The following ASRGL1 variants were observed in gnomAD, a reference collection of about 807,000 sequenced individuals.
ASRGL1 encodes asparaginase and isoaspartyl peptidase 1, also known as isoaspartyl peptidase/L-asparaginase.
ASRGL1 carries 16 observed loss-of-function variants against 22.4 expected under a neutral mutation model. That is an observed-to-expected ratio of 0.71 (90% CI 0.48 to 1.08). The LOEUF (loss-of-function observed/expected upper bound fraction) is 1.08. Among genes scored for constraint, ASRGL1 ranks in the 50% least tolerant of loss-of-function variants. ASRGL1 has a pLI of 0.00. For missense variants in ASRGL1, 412 were observed against 410.1 expected (o/e 1.00, Z -0.04); for synonymous variants, 165 against 159.3 (o/e 1.04, Z -0.27).
chr11:62,343,683 G>A (rs1590703244), intron 2 of ASRGL1, among the ~76,000 whole-genome samples: 1 of 143,818 alleles, frequency 7.0e-6, no homozygotes, highest in Admixed American at 7.4e-5. Context: ...AGCCAAGATG[G>A]CGCCACTGCA....
intron 4 of ASRGL1, among the ~76,000 whole-genome samples, chr11:62,383,922 A>AAAG (rs1398564209): frequency 6.6e-6 from 1 of 151,490 alleles, no homozygotes; most frequent in Non-Finnish European, 1.5e-5. Context: ...TCAAAAAAAA[A>AAAG]AAAAAAATCA....
chr11:62,398,986 T>A, the ASRGL1 span, among the ~76,000 whole-genome samples: 2 of 152,144 alleles, frequency 1.3e-5, no homozygotes, highest in African/African-American at 4.8e-5. Context: ...CTGGCCAACA[T>A]GGTGAAACCC....
At chr11:62,375,445 T>C (rs1280770065) in intron 4 of ASRGL1, among the ~76,000 whole-genome samples, 7 of 57,856 alleles carry the variant, frequency 1.2e-4, no homozygotes, top group African/African-American at 8.4e-4. Flanking sequence ...TATATATATA[T>C]ATATATATAT....
At chr11:62,362,502 A>T (rs1946462242) in intron 4 of ASRGL1, among the ~76,000 whole-genome samples, 2 of 60,412 alleles carry the variant, frequency 3.3e-5, no homozygotes, top group Non-Finnish European at 6.0e-5. Flanking sequence ...TATTATATAA[A>T]ATATATAACA....
the ASRGL1 span, among the ~76,000 whole-genome samples, chr11:62,400,234 C>T: frequency 6.6e-6 from 1 of 152,210 alleles, no homozygotes; most frequent in Non-Finnish European, 1.5e-5. Context: ...TGCCTTTCCT[C>T]CCTCAAAGGT....
At chr11:62,355,419 G>T (rs544828458) in intron 2 of ASRGL1, among the ~76,000 whole-genome samples, 23 of 151,290 alleles carry the variant, frequency 1.5e-4, no homozygotes, top group African/African-American at 4.9e-4. Flanking sequence ...TAGAGACGGG[G>T]TTTCACATGT....
At chr11:62,399,565 G>A in the ASRGL1 span, among the ~76,000 whole-genome samples, 130 of 152,298 alleles carry the variant, frequency 8.5e-4, no homozygotes, top group African/African-American at 2.9e-3. Context: ...CCATGGCTAC[G>A]GCCCTCCTGC....
chr11:62,385,890 G>A (rs376643780), intron 4 of ASRGL1, among the ~76,000 whole-genome samples: 5 of 151,708 alleles, frequency 3.3e-5, no homozygotes, highest in Non-Finnish European at 7.4e-5. Flanking sequence ...TAGGCCGGGT[G>A]CAGTGGCTTA....
Position 62,337,968 on chromosome 11 carries a change from A to T in ASRGL1, c.-10A>T, listed in dbSNP as rs1945764922. The T allele has an allele frequency of 6.3e-7, 1 of 1,586,408 alleles. No individual in the cohort carries two copies. Reference sequence around the variant, plus strand: ...CGCTTTCGCCTTCCTGCTGCCTAGGATCCGCCGACATGAATCCCATCGTAG... The same window carrying T: ...CGCTTTCGCCTTCCTGCTGCCTAGGTTCCGCCGACATGAATCCCATCGTAG... On this transcript the variant is annotated 5_prime_UTR_variant, in exon 2 of 7. Transcript: ENST00000415229.
rs1172171683 is a variant in ASRGL1, at chr11:62,337,908, T to C, written c.-70T>C. The C allele has an allele frequency of 4.0e-6, 6 of 1,508,796 alleles. No individual in the cohort carries two copies. In the African/African-American group the frequency reaches 6.9e-5, roughly 17 times the overall value. 93.5% of individuals were successfully genotyped at this position (1,508,796 alleles called of 1,614,324 possible). A position where few individuals can be genotyped will look rare whatever the true frequency, so the allele number is the denominator to read the frequency against. ...CCCACAGGGTCTCCCGAGGACCTTGTACCCGCGCGGCTTCCTTGGGCTGGC... is the reference window on the plus strand; with the variant it reads ...CCCACAGGGTCTCCCGAGGACCTTGCACCCGCGCGGCTTCCTTGGGCTGGC... On this transcript the variant is annotated 5_prime_UTR_variant, in exon 2 of 7. Transcript: ENST00000415229.
chr11:62,369,939 T>G (rs1305609711), intron 4 of ASRGL1, among the ~76,000 whole-genome samples: 1 of 152,188 alleles, frequency 6.6e-6, no homozygotes, highest in Non-Finnish European at 1.5e-5. Flanking sequence ...GATTTGCCAA[T>G]TTTTTATCAA....
downstream of ASRGL1, among the ~76,000 whole-genome samples, chr11:62,395,025 G>T (rs1947414890): frequency 6.6e-6 from 1 of 152,154 alleles, no homozygotes; most frequent in African/African-American, 2.4e-5. Flanking sequence ...ACTATCCATG[G>T]CTTCAGCCGC....
intron 2 of ASRGL1, among the ~76,000 whole-genome samples, chr11:62,346,014 G>C (rs1946010790): frequency 6.6e-6 from 1 of 152,194 alleles, no homozygotes; most frequent in African/African-American, 2.4e-5. Context: ...GGATACAGAT[G>C]AAGAGTTGCA....
At chr11:62,351,666 C>T (rs996435899) in intron 2 of ASRGL1, among the ~76,000 whole-genome samples, 3 of 147,798 alleles carry the variant, frequency 2.0e-5, no homozygotes, top group Admixed American at 6.8e-5. Context: ...AAAAAAAAAT[C>T]GTTTTTTTTG....
intron 4 of ASRGL1, among the ~76,000 whole-genome samples, chr11:62,381,577 C>A (rs1026462667): frequency 6.6e-6 from 1 of 152,108 alleles, no homozygotes; most frequent in African/African-American, 2.4e-5. Flanking sequence ...GATGATTTTA[C>A]CCTTCCTACT....
intron 4 of ASRGL1, among the ~76,000 whole-genome samples, chr11:62,369,693 G>C (rs1425771989): frequency 6.6e-6 from 1 of 152,044 alleles, no homozygotes; most frequent in Non-Finnish European, 1.5e-5. Flanking sequence ...AATTTAAATG[G>C]GCTTTTGATG....
intron 4 of ASRGL1, among the ~76,000 whole-genome samples, chr11:62,368,908 A>T (rs1946686428): frequency 6.6e-6 from 1 of 152,206 alleles, no homozygotes; most frequent in South Asian, 2.1e-4. Context: ...TAAATAGAAC[A>T]TACAATCGGG....
intron 2 of ASRGL1, among the ~76,000 whole-genome samples, chr11:62,349,114 A>G (rs1274980174): frequency 6.6e-6 from 1 of 151,994 alleles, no homozygotes; most frequent in Non-Finnish European, 1.5e-5. Flanking sequence ...GATTACAGGC[A>G]TGCACCACCA....
chr11:62,349,687 C>T (rs541547012), intron 2 of ASRGL1, among the ~76,000 whole-genome samples: 16 of 152,180 alleles, frequency 1.1e-4, no homozygotes, highest in Non-Finnish European at 2.1e-4. Context: ...TTGGATCTCA[C>T]GCAAGAAGGA....
Sources: allele counts gnomAD v4.1 joint callset (sites outside exome capture counted in the v4.1 genomes callset), GRCh38; gene constraint gnomAD v4.1.1; transcripts MANE v1.5; gene names NCBI Gene and HGNC (gene_info 2026-07-23, HGNC 2026-07-21).